SLC49A4: variants seen among roughly 807,000 people sequenced by gnomAD.
SLC49A4 encodes the protein solute carrier family 49 member 4, also known as disrupted in renal cancer protein 2.
In SLC49A4, 36 loss-of-function variants were observed where a neutral mutation model predicts 50.6. The observed-to-expected ratio is 0.71, with a 90% CI of 0.55 to 0.94. SLC49A4 has a LOEUF of 0.94. Among genes scored for constraint, SLC49A4 ranks in the 40% least tolerant of loss-of-function variants. SLC49A4 has a pLI of 0.00. For synonymous variants in SLC49A4, 248 were observed against 241.2 expected (o/e 1.03, Z -0.26); for missense variants, 503 against 605.7 (o/e 0.83, Z 1.78).
chr3:122,835,466 G>A (rs927145174), intron 4 of SLC49A4, among the ~76,000 whole-genome samples: 8 of 151,710 alleles, frequency 5.3e-5, no homozygotes, highest in South Asian at 2.1e-4. Flanking sequence ...TTTAAAATAC[G>A]CAAGTCAAAT....
chr3:122,818,155 A>C (rs1407367628), intron 2 of SLC49A4, among the ~76,000 whole-genome samples: 1 of 152,212 alleles, frequency 6.6e-6, no homozygotes, highest in African/African-American at 2.4e-5. Context: ...CAACATTAGG[A>C]AAATGGTTAA....
Position 122,795,133 on chromosome 3 carries a change from G to T in SLC49A4, c.-60G>T. ...CTGCTGCTCAGGACTATTCTGCGCT[G>T]GGCTAGTCGGCGGTGACCCGGACTG... On this transcript the variant is annotated 5_prime_UTR_variant, in exon 1 of 9. Transcript: ENST00000261038. 7.7e-7 allele frequency: 1 copy of T among 1,298,182 alleles called. No homozygotes were observed. Among genetic ancestry groups the T allele is most frequent in the South Asian group, 2.7e-5 (1 of 37,620 alleles). 80.4% of individuals were successfully genotyped at this position (1,298,182 alleles called of 1,614,324 possible).
chr3:122,795,662 G>A (rs1413232060), intron 1 of SLC49A4, 127 bp downstream of exon 1: 40 of 1,414,896 alleles, frequency 2.8e-5, no homozygotes, highest in Non-Finnish European at 3.6e-5. Context: ...ATAGAGTGTT[G>A]CTAGCATTCC....
chr3:122,808,614 C>T (rs574465306), intron 2 of SLC49A4, among the ~76,000 whole-genome samples: 23 of 152,228 alleles, frequency 1.5e-4, no homozygotes, highest in African/African-American at 5.3e-4. Flanking sequence ...TTTAAGACCA[C>T]GTCAGCTCCT....
Position 122,817,543 on chromosome 3 carries a change from T to TGAGA in SLC49A4, c.438-9245_438-9242dup, listed in dbSNP as rs61637673. ...AGTCACCAAGTTTTGCATGTGTGTGTGAGAGAGAGAGAGAGTGTGTGTGTG... is the reference window on the plus strand; with the variant it reads ...AGTCACCAAGTTTTGCATGTGTGTGTGAGAGAGAGAGAGAGAGAGTGTGTGTGTG... On this transcript the variant is annotated intron_variant, in intron 2 of 8. Coordinates refer to ENST00000261038, the MANE Select transcript of SLC49A4 (RefSeq NM_032839.3). 2.6e-5 allele frequency among the ~76,000 whole-genome samples: 4 copies of TGAGA among 151,184 alleles called. No individual in the cohort carries two copies. The East Asian group carries it at 7.8e-4, about 29-fold the overall frequency.
intron 2 of SLC49A4, among the ~76,000 whole-genome samples, chr3:122,811,286 CAA>C (rs1374228096): frequency 1.3e-5 from 2 of 152,102 alleles, no homozygotes; most frequent in South Asian, 2.1e-4. Context: ...GGCATGAACT[CAA>C]GAGAAGTTCA....
chr3:122,808,642 G>A (rs1273616664), intron 2 of SLC49A4, among the ~76,000 whole-genome samples: 1 of 152,154 alleles, frequency 6.6e-6, no homozygotes, highest in Non-Finnish European at 1.5e-5. Context: ...TTCTGAGCTA[G>A]GAAACCACTG....
Position 122,829,883 on chromosome 3 carries a change from T to C in SLC49A4, c.703+2818T>C, listed in dbSNP as rs377586639. 8.1e-4 allele frequency among the ~76,000 whole-genome samples: 123 copies of C among 152,278 alleles called. No homozygotes were observed. The South Asian group carries it at 0.01, about 13-fold the overall frequency. ...CACTGAACAAGAAAAGCAAAAGATATCCAGATTGTAAGGGAAGTAGTAAAG... is the reference window on the plus strand; with the variant it reads ...CACTGAACAAGAAAAGCAAAAGATACCCAGATTGTAAGGGAAGTAGTAAAG... On this transcript the variant is annotated intron_variant, in intron 3 of 8. Transcript: ENST00000261038.
At chr3:122,846,307 A>G (rs1936849238) in intron 5 of SLC49A4, among the ~76,000 whole-genome samples, 1 of 152,186 alleles carries the variant, frequency 6.6e-6, no homozygotes, top group Non-Finnish European at 1.5e-5. Context: ...GATGTCATCC[A>G]TTCCTTCTCT....
Position 122,879,445 on chromosome 3 carries a change from G to A in SLC49A4, c.*67G>A, listed in dbSNP as rs1937306878. The A allele has an allele frequency of 2.6e-6, 3 of 1,132,648 alleles. No individual in the cohort carries two copies. The South Asian group carries it at 4.3e-5, about 16-fold the overall frequency. The allele number at this position is 1,132,648 out of a possible 1,614,324, so 70.2% of individuals were successfully genotyped here. On this transcript the variant is annotated 3_prime_UTR_variant, in exon 9 of 9. Coordinates refer to ENST00000261038, the MANE Select transcript of SLC49A4 (RefSeq NM_032839.3). The stretch of plus-strand genomic sequence containing the variant: ...ATACTGCACACTGCACATTTGCTCA[G>A]AATTGCACATCTAACAGGAAAAGAG...
At chr3:122,800,392 A>G (rs1936113667) in intron 1 of SLC49A4, among the ~76,000 whole-genome samples, 1 of 152,234 alleles carries the variant, frequency 6.6e-6, no homozygotes, top group South Asian at 2.1e-4. Flanking sequence ...AAGAGGAATC[A>G]AAGACAGTGA....
chr3:122,872,622 C>T (rs749753995), intron 8 of SLC49A4, 25 bp downstream of exon 8: 73 of 1,523,734 alleles, frequency 4.8e-5, no homozygotes, highest in Non-Finnish European at 6.5e-5. Flanking sequence ...TTTTTATTTA[C>T]TATCTAAATG....
chr3:122,824,076 A>T (rs1227674324), intron 2 of SLC49A4, among the ~76,000 whole-genome samples: 2 of 152,250 alleles, frequency 1.3e-5, no homozygotes, highest in Admixed American at 1.3e-4. Context: ...GTTTCTCATG[A>T]ATTCAGAGGA....
intron 3 of SLC49A4, among the ~76,000 whole-genome samples, chr3:122,831,238 C>T (rs1358613252): frequency 6.6e-6 from 1 of 152,122 alleles, no homozygotes; most frequent in East Asian, 1.9e-4. Flanking sequence ...AAATGTTAAA[C>T]AAAGATTACC....
At chr3:122,867,324 T>C (rs2107582157) in intron 7 of SLC49A4, among the ~76,000 whole-genome samples, 1 of 152,322 alleles carries the variant, frequency 6.6e-6, no homozygotes, top group South Asian at 2.1e-4. Flanking sequence ...TTTTTTTCTT[T>C]TTTCACTGTG....
At chr3:122,835,800 GA>G (rs1332813300) in intron 4 of SLC49A4, among the ~76,000 whole-genome samples, 3 of 152,158 alleles carry the variant, frequency 2.0e-5, no homozygotes, top group Admixed American at 2.0e-4. Flanking sequence ...ATTGGAAAAA[GA>G]GGAAGTCAAA....
At chr3:122,848,472 A>G (rs918759456) in intron 5 of SLC49A4, among the ~76,000 whole-genome samples, 4 of 152,068 alleles carry the variant, frequency 2.6e-5, no homozygotes, top group Non-Finnish European at 5.9e-5. Context: ...TTTACAGATC[A>G]TTTTCAAAAT....
At chr3:122,798,498 T>C (rs1936082488) in intron 1 of SLC49A4, among the ~76,000 whole-genome samples, 1 of 152,048 alleles carries the variant, frequency 6.6e-6, no homozygotes, top group South Asian at 2.1e-4. Context: ...TTCTCTTTAT[T>C]AGGAAGTAGT....
intron 1 of SLC49A4, among the ~76,000 whole-genome samples, chr3:122,803,592 C>T (rs1054874004): frequency 5.9e-5 from 9 of 152,180 alleles, no homozygotes; most frequent in Non-Finnish European, 1.0e-4. Flanking sequence ...GGATCTGCCC[C>T]GGAGCCAGCA....
Sources: gnomAD v4.1 joint callset for allele counts (sites outside exome capture counted in the v4.1 genomes callset) on GRCh38, gnomAD v4.1.1 for gene constraint, MANE v1.5 for transcripts, NCBI Gene and HGNC (gene_info 2026-07-23, HGNC 2026-07-21) for gene names.